METTL22: variants seen among roughly 807,000 people sequenced by gnomAD.
METTL22 encodes methyltransferase 22, Kin17 lysine, also known as methyltransferase-like protein 22.
A neutral mutation model predicts 48.4 loss-of-function variants in METTL22; 51 were observed. The observed-to-expected ratio is 1.05, with a 90% CI of 0.84 to 1.33. METTL22 has a LOEUF of 1.33. METTL22 is among the 40% of genes most tolerant of loss of function. The probability of loss-of-function intolerance (pLI) is 0.00; values close to 1 mark genes in which losing one functional copy is unlikely to be tolerated. For synonymous variants in METTL22, 255 were observed against 214.1 expected (o/e 1.19, Z -1.67); for missense variants, 678 against 526.9 (o/e 1.29, Z -2.81).
chr16:8,645,908 C>T, intron 10 of METTL22, 200 bp from the exon 11 acceptor site: 1 of 962,412 alleles, frequency 1.0e-6, no homozygotes, highest in Non-Finnish European at 1.2e-6. Flanking sequence ...ATCCATCCAG[C>T]CTCTCTGCCA....
chr16:8,657,444 A>G, the METTL22 span, among the ~76,000 whole-genome samples: 2 of 152,206 alleles, frequency 1.3e-5, no homozygotes, highest in African/African-American at 2.4e-5. Flanking sequence ...TGAAGTTTGC[A>G]AAACACCAAC....
chr16:8,642,712 T>G, intron 9 of METTL22, 147 bp downstream of exon 9: 1 of 755,962 alleles, frequency 1.3e-6, no homozygotes, highest in Non-Finnish European at 2.3e-6. Flanking sequence ...GTGCTCATCC[T>G]TTGTGTACGT....
At chr16:8,623,729 T>C (rs2055942208) in intron 1 of METTL22, 1 of 152,224 alleles carries the variant, frequency 6.6e-6, no homozygotes, top group Admixed American at 6.5e-5. Context: ...GAATCATCTT[T>C]TTCTTAAAAA....
chr16:8,635,917 C>G (rs1053763517), intron 5 of METTL22, among the ~76,000 whole-genome samples: 4 of 152,208 alleles, frequency 2.6e-5, no homozygotes, highest in African/African-American at 9.6e-5. Context: ...TGCAGCAGCA[C>G]TGTATTCTGC....
chr16:8,626,481 C>T (rs1596332252), intron 2 of METTL22, among the ~76,000 whole-genome samples: 1 of 146,404 alleles, frequency 6.8e-6, no homozygotes, highest in African/African-American at 2.6e-5. Flanking sequence ...CGGAAGCTCG[C>T]TCTGTCACCC....
Position 8,648,627 on chromosome 16 carries a change from C to CAAA in METTL22, c.*2496_*2498dup. On this transcript the variant is annotated 3_prime_UTR_variant, in exon 11 of 11. Coordinates refer to ENST00000381920, the MANE Select transcript of METTL22 (RefSeq NM_024109.4). ...GGGCAACAAGAGCAAAACTCCATCT[C>CAAA]AAAAAAAAAAAAAAGCCAGGCGTAG... The CAAA allele has an allele frequency of 7.7e-6, 1 of 129,038 alleles. No homozygotes were observed. The highest frequency in any genetic ancestry group is 2.9e-5 in the African/African-American group (1 of 34,858). 8.0% of individuals were successfully genotyped at this position (129,038 alleles called of 1,614,324 possible). A position where few individuals can be genotyped will look rare whatever the true frequency, so the allele number is the denominator to read the frequency against.
At chr16:8,631,103 G>A (rs912643677) in intron 3 of METTL22, 15 of 152,226 alleles carry the variant, frequency 9.9e-5, no homozygotes, top group African/African-American at 3.6e-4. Context: ...CTGGCGCAGA[G>A]TTGATGGTAA....
intron 6 of METTL22, 106 bp downstream of exon 6, chr16:8,639,268 C>G (rs771622898): frequency 4.4e-6 from 5 of 1,130,446 alleles, no homozygotes; most frequent in Non-Finnish European, 6.7e-6. Context: ...GTCTGTGTCC[C>G]TTGCAGCAGG....
intron 8 of METTL22, 72 bp downstream of exon 8, chr16:8,642,279 T>C (rs1784264712): frequency 7.1e-7 from 1 of 1,417,632 alleles, no homozygotes; most frequent in Non-Finnish European, 1.0e-6. Flanking sequence ...TCTCCTCACT[T>C]CCCCCGGGAG....
At position 8,628,756 on chromosome 16, in the gene METTL22, T is replaced by C; in HGVS notation, c.160T>C (p.Trp54Arg). ...PVFLSQFKLL[W>R]SQDSWTDSGA... ...TTTCCTGTCCCAATTCAAGCTTCTATGGAGCCAAGACTCTTGGACAGATTC... is the reference window on the plus strand; with the variant it reads ...TTTCCTGTCCCAATTCAAGCTTCTACGGAGCCAAGACTCTTGGACAGATTC... Residue 54 changes from tryptophan (W) to arginine (R), a missense_variant, in exon 3 of 11, where the codon TGG becomes CGG. Trp to Arg is a moderately radical substitution (Grantham distance 101). Transcript: ENST00000381920. The C allele has an allele frequency of 6.2e-7, 1 of 1,612,800 alleles. No homozygotes were observed. Among genetic ancestry groups the C allele is most frequent in the African/African-American group, 1.3e-5 (1 of 74,984 alleles).
At chr16:8,628,640 A>G (rs898418977) in intron 2 of METTL22, 90 bp from the exon 3 acceptor site, 3 of 1,487,120 alleles carry the variant, frequency 2.0e-6, no homozygotes, top group Non-Finnish European at 2.7e-6. Flanking sequence ...AATCTTTCCT[A>G]TTGGTAATCA....
chr16:8,636,740 G>A (rs1482995557), intron 5 of METTL22, among the ~76,000 whole-genome samples: 1 of 152,040 alleles, frequency 6.6e-6, no homozygotes, highest in Non-Finnish European at 1.5e-5. Flanking sequence ...GGAGTGGGCG[G>A]TGTTAGTTAC....
the METTL22 span, among the ~76,000 whole-genome samples, chr16:8,665,425 G>C: frequency 6.6e-6 from 1 of 152,194 alleles, no homozygotes; most frequent in Non-Finnish European, 1.5e-5. Context: ...CATACAGCCT[G>C]GCACCTTCCA....
the METTL22 span, among the ~76,000 whole-genome samples, chr16:8,661,292 G>A: frequency 2.6e-5 from 4 of 151,970 alleles, no homozygotes; most frequent in African/African-American, 9.7e-5. Flanking sequence ...CGTGAGTTCT[G>A]AGAGCCGCCA....
intron 8 of METTL22, 84 bp from the exon 9 acceptor site, chr16:8,642,379 C>T: frequency 7.3e-7 from 1 of 1,369,994 alleles, no homozygotes; most frequent in Non-Finnish European, 1.0e-6. Context: ...GATAAGCATT[C>T]TCTCTGTGCG....
the METTL22 span, among the ~76,000 whole-genome samples, chr16:8,661,982 G>A: frequency 6.9e-6 from 1 of 145,120 alleles, no homozygotes; most frequent in East Asian, 2.0e-4. Context: ...GGTGGCTCAC[G>A]CCTATAATCC....
intron 7 of METTL22, chr16:8,641,690 G>T (rs2056623416): frequency 5.2e-6 from 2 of 386,498 alleles, no homozygotes; most frequent in Non-Finnish European, 9.9e-6. Flanking sequence ...GTCGTTCCTT[G>T]AGTACTGGTC....
At chr16:8,630,361 T>C (rs2056215472) in intron 3 of METTL22, among the ~76,000 whole-genome samples, 1 of 152,156 alleles carries the variant, frequency 6.6e-6, no homozygotes, top group African/African-American at 2.4e-5. Flanking sequence ...TATTCCCATT[T>C]CACAGAGGAA....
the METTL22 span, among the ~76,000 whole-genome samples, chr16:8,665,062 A>T: frequency 2.0e-5 from 3 of 152,200 alleles, no homozygotes; most frequent in Non-Finnish European, 4.4e-5. Flanking sequence ...ACTCTAGGGC[A>T]GGAGTTTCCA....
Sources: allele counts gnomAD v4.1 joint callset (sites outside exome capture counted in the v4.1 genomes callset), GRCh38; gene constraint gnomAD v4.1.1; transcripts MANE v1.5; gene names NCBI Gene and HGNC (gene_info 2026-07-23, HGNC 2026-07-21).